The following KIF4A variants were observed in gnomAD, a reference collection of about 807,000 sequenced individuals.
The protein encoded by KIF4A is chromosome-associated kinesin KIF4A.
KIF4A carries 7 observed loss-of-function variants against 105.9 expected under a neutral mutation model. That is an observed-to-expected ratio of 0.07 (90% CI 0.04 to 0.12). The LOEUF is 0.12. KIF4A is among the 10% of genes least tolerant of loss of function. The pLI, the probability that KIF4A is intolerant of heterozygous loss-of-function variation, is 1.00. For missense variants in KIF4A, 558 were observed against 929.2 expected (o/e 0.60, Z 5.19); for synonymous variants, 281 against 331.3 (o/e 0.85, Z 1.65).
In KIF4A at chrX:70,374,958, A is replaced by T. The variant is rs138444771; in HGVS notation, c.1779-246A>T. On this transcript the variant is annotated intron_variant, in intron 16 of 30. Transcript: ENST00000374403. ...TGCCTTCAAAGAACCATTTTGATGC[A>T]AAAGGGGCGGCGTATATTGAGGCAG... Among the ~76,000 whole-genome samples, 352 of 112,421 alleles carry T rather than the reference A, an allele frequency of 3.1e-3. 2 individuals carry two copies. Among genetic ancestry groups the T allele is most frequent in the African/African-American group, 0.011 (344 of 31,036 alleles).
chrX:70,374,679 G>A (rs185658060), intron 16 of KIF4A, among the ~76,000 whole-genome samples: 17 of 111,632 alleles, frequency 1.5e-4, no homozygotes, highest in African/African-American at 4.2e-4. Flanking sequence ...GTCCAGGCTA[G>A]TGATTTAAAA....
At chrX:70,293,078 T>G (rs1443649929) in intron 3 of KIF4A, among the ~76,000 whole-genome samples, 1 of 112,081 alleles carries the variant, frequency 8.9e-6, no homozygotes, top group Non-Finnish European at 1.9e-5. Context: ...TGCAGAAAAT[T>G]ATGGAATGTT....
Position 70,387,265 on chromosome X carries a change from C to T in KIF4A, c.2200C>T (p.Arg734Cys), listed in dbSNP as rs747565282. 9 of 1,185,611 alleles carry T rather than the reference C, an allele frequency of 7.6e-6. No homozygotes were observed. The highest frequency in any genetic ancestry group is 1.9e-5 in the South Asian group (1 of 53,339). Reference sequence around the variant, plus strand: ...AGATAAGCGGAAAGAGACTCAGAGCCGTGGAATGGAAGGCACTGCAGCTCG... The same window carrying T: ...AGATAAGCGGAAAGAGACTCAGAGCTGTGGAATGGAAGGCACTGCAGCTCG... ...VADKRKETQS[R>C]GMEGTAARVK... is the part of the protein sequence containing the mutation. Residue 734 changes from arginine (R) to cysteine (C), a missense_variant, in exon 20 of 31, where the codon CGT (arginine) becomes TGT (cysteine). Arg to Cys is a radical substitution (Grantham distance 180). Transcript: ENST00000374403.
intron 11 of KIF4A, among the ~76,000 whole-genome samples, chrX:70,343,039 A>G (rs938010202): frequency 1.8e-5 from 2 of 112,141 alleles, no homozygotes; most frequent in Non-Finnish European, 3.8e-5. Context: ...ACTGTGATTG[A>G]AATAAAACTG....
chrX:70,322,744 A>G (rs1190613421), intron 7 of KIF4A, among the ~76,000 whole-genome samples: 2 of 103,139 alleles, frequency 1.9e-5, no homozygotes, highest in Non-Finnish European at 3.9e-5. Context: ...CCTTTCCCCA[A>G]TCTCATTAGT....
chrX:70,373,869 A>G (rs867976216), intron 15 of KIF4A, among the ~76,000 whole-genome samples: 1 of 93,375 alleles, frequency 1.1e-5, no homozygotes, highest in Non-Finnish European at 2.1e-5. Context: ...CACACACACA[A>G]ACTCTTTTCT....
chrX:70,401,078 G>GT (rs1569252100), intron 22 of KIF4A, among the ~76,000 whole-genome samples: 1 of 93,630 alleles, frequency 1.1e-5, no homozygotes, highest in Non-Finnish European at 2.1e-5. Context: ...ATAGGTTTAT[G>GT]ATTTTTTTTT....
At chrX:70,386,593 T>G (rs759063297) in intron 18 of KIF4A, 25 bp from the exon 19 acceptor site, 38 of 1,125,317 alleles carry the variant, frequency 3.4e-5, no homozygotes, top group Middle Eastern at 2.4e-4. Context: ...GAACAGCAAT[T>G]AATATCTGAC....
Position 70,353,648 on chromosome X carries a change from C to A in KIF4A, c.1515C>A (p.Ser505Arg). The part of the protein sequence containing the change: ...EAQVETSPET[S>R]RSSDAFTTQH... ...AAGTAGAAACCAGTCCAGAGACGAGCAGGTCTTCTGACGCTTTTACCACTC... is the reference window on the plus strand; with the variant it reads ...AAGTAGAAACCAGTCCAGAGACGAGAAGGTCTTCTGACGCTTTTACCACTC... The change falls in exon 15 of 31, where the codon AGC (serine) becomes AGA (arginine). Residue 505 changes from serine to arginine, a missense_variant. Physicochemically the swap from Ser to Arg is moderately radical, Grantham distance 110 (BLOSUM62 -1). This residue lies in a region of KIF4A where 469 missense variants were observed against 680.4 expected (regional missense o/e 0.69). Transcript: ENST00000374403. 1 of 1,210,388 alleles carries A rather than the reference C, an allele frequency of 8.3e-7. No homozygotes were observed. The highest frequency in any genetic ancestry group is 1.1e-6 in the Non-Finnish European group (1 of 894,942).
At chrX:70,404,105 A>C in intron 24 of KIF4A, 71 bp downstream of exon 24, 1 of 1,110,342 alleles carries the variant, frequency 9.0e-7, no homozygotes, top group Non-Finnish European at 1.2e-6. Flanking sequence ...TTTAAAAAAA[A>C]AGTGGGGATA....
At chrX:70,349,007 CG>C (rs1408121718) in intron 13 of KIF4A, among the ~76,000 whole-genome samples, 1 of 99,128 alleles carries the variant, frequency 1.0e-5, no homozygotes, top group Admixed American at 1.1e-4. Flanking sequence ...ACCTCCCAGA[CG>C]GGGCGGCCGG....
At chrX:70,312,163 A>T (rs11798052) in intron 7 of KIF4A, among the ~76,000 whole-genome samples, 1,349 of 77,587 alleles carry the variant, frequency 0.017, no homozygotes, top group Non-Finnish European at 0.026. Context: ...TTTTTTTTTT[A>T]AGACGGAGTG....
At chrX:70,420,030 A>G (rs2086360385) in intron 30 of KIF4A, 32 bp from the exon 31 acceptor site, 1 of 1,182,368 alleles carries the variant, frequency 8.5e-7, no homozygotes, top group African/African-American at 1.8e-5. Context: ...CCCTTTCTAA[A>G]GTCTATTCAT....
intron 11 of KIF4A, 94 bp from the exon 12 acceptor site, chrX:70,343,609 C>G: frequency 1.3e-6 from 1 of 775,416 alleles, no homozygotes; most frequent in East Asian, 3.3e-5. Flanking sequence ...GAGACAGCCT[C>G]TCTACCTAGC....
intron 10 of KIF4A, among the ~76,000 whole-genome samples, chrX:70,334,862 A>C (rs1462104775): frequency 8.9e-6 from 1 of 112,012 alleles, no homozygotes; most frequent in African/African-American, 3.2e-5. Context: ...TTAAATAAAT[A>C]AATAGATAAA....
In KIF4A at chrX:70,414,525, A is replaced by G. The variant is rs1024547181; in HGVS notation, c.3256-3363A>G. ...GTTGTGCTCATTTCTAGATCTCACA[A>G]TTGAAGAACTTTGACAAATTGGTGT... On this transcript the variant is annotated intron_variant, in intron 28 of 30. Transcript: ENST00000374403. 3.6e-5 allele frequency among the ~76,000 whole-genome samples: 4 copies of G among 112,131 alleles called. No homozygotes were observed. In the East Asian group the frequency reaches 1.1e-3, roughly 31 times the overall value.
chrX:70,417,452 G>A (rs1428961279), intron 28 of KIF4A, among the ~76,000 whole-genome samples: 4 of 112,082 alleles, frequency 3.6e-5, no homozygotes, highest in African/African-American at 1.3e-4. Context: ...TTCAAGACCA[G>A]CCTGGCCAGC....
chrX:70,334,299 A>G (rs1170154507), intron 10 of KIF4A, among the ~76,000 whole-genome samples: 3 of 112,185 alleles, frequency 2.7e-5, no homozygotes, highest in Non-Finnish European at 5.6e-5. Context: ...GCTCAGAAAT[A>G]TCTACCTGTG....
intron 15 of KIF4A, among the ~76,000 whole-genome samples, chrX:70,364,799 G>A (rs1280019143): frequency 5.4e-5 from 6 of 111,728 alleles, no homozygotes; most frequent in African/African-American, 2.0e-4. Context: ...GTAGCTTGAT[G>A]GGGATGGCAT....
Sources: allele counts gnomAD v4.1 joint callset (sites outside exome capture counted in the v4.1 genomes callset), GRCh38; gene constraint gnomAD v4.1.1; regional missense constraint gnomAD v4.1.1; transcripts MANE v1.5; gene names NCBI Gene and HGNC (gene_info 2026-07-23, HGNC 2026-07-21).